Variants in AKT3 observed in about 807,000 individuals in gnomAD.
The protein encoded by AKT3 is RAC-gamma serine/threonine-protein kinase.
AKT3 carries 15 observed loss-of-function variants against 65.3 expected under a neutral mutation model. The ratio of observed to expected loss-of-function variants is 0.23; its 90% CI spans 0.15 to 0.35. The LOEUF (loss-of-function observed/expected upper bound fraction) is 0.35, where lower values mean the gene tolerates loss of function less well. Ranked by LOEUF, AKT3 falls within the 10% of genes least tolerant of loss-of-function variation. AKT3 has a pLI of 1.00. For synonymous variants in AKT3, 206 were observed against 183.8 expected, an observed-to-expected ratio of 1.12 and a Z score of -0.98; for missense variants, 243 against 576.5, an observed-to-expected ratio of 0.42 and a Z score of 5.92.
chr1:243,831,378 T>A (rs1694495982), intron 2 of AKT3, among the ~76,000 whole-genome samples: 1 of 152,060 alleles, frequency 6.6e-6, no homozygotes, highest in African/African-American at 2.4e-5. Context: ...ACAAAAGAAA[T>A]CATTCTAATT....
At chr1:243,660,973 T>A (rs1682269344) in intron 4 of AKT3, among the ~76,000 whole-genome samples, 1 of 152,100 alleles carries the variant, frequency 6.6e-6, no homozygotes, top group Non-Finnish European at 1.5e-5. Context: ...TCAAAGAGAA[T>A]AAAATACCTA....
chr1:243,794,809 A>C (rs1034852684), intron 2 of AKT3, among the ~76,000 whole-genome samples: 1 of 152,232 alleles, frequency 6.6e-6, no homozygotes, highest in Non-Finnish European at 1.5e-5. Flanking sequence ...CACATCATTA[A>C]TTAAAAGAAT....
At chr1:243,708,572 CAG>C (rs769599486) in intron 2 of AKT3, among the ~76,000 whole-genome samples, 3 of 151,874 alleles carry the variant, frequency 2.0e-5, no homozygotes, top group Non-Finnish European at 4.4e-5. Context: ...CAAATGTTTC[CAG>C]TGACTTTGAA....
At chr1:243,849,833 C>T (rs1233437174) in intron 1 of AKT3, among the ~76,000 whole-genome samples, 1 of 151,838 alleles carries the variant, frequency 6.6e-6, no homozygotes, top group Non-Finnish European at 1.5e-5. Context: ...GGGCATCCCC[C>T]GGCCTCCACA....
intron 2 of AKT3, among the ~76,000 whole-genome samples, chr1:243,715,848 G>A (rs1021510267): frequency 6.6e-6 from 1 of 152,044 alleles, no homozygotes; most frequent in Non-Finnish European, 1.5e-5. Context: ...TTGAGGATAT[G>A]TGTGTACACT....
At chr1:243,776,744 T>A (rs1005890427) in intron 2 of AKT3, among the ~76,000 whole-genome samples, 12 of 152,224 alleles carry the variant, frequency 7.9e-5, no homozygotes, top group Non-Finnish European at 1.5e-4. Flanking sequence ...AGGGCCAGAA[T>A]TTAAACTCAA....
intron 2 of AKT3, among the ~76,000 whole-genome samples, chr1:243,842,010 G>A (rs1695270542): frequency 6.6e-6 from 1 of 152,126 alleles, no homozygotes; most frequent in African/African-American, 2.4e-5. Flanking sequence ...TAAGGGATGA[G>A]GACTGGGCTG....
intron 2 of AKT3, among the ~76,000 whole-genome samples, chr1:243,752,772 C>T (rs955488151): frequency 2.6e-5 from 4 of 152,070 alleles, no homozygotes; most frequent in African/African-American, 9.7e-5. Context: ...TCTGAGGATG[C>T]TGTCATAAAG....
chr1:243,774,500 C>T lies in AKT3; in HGVS notation c.46+68625G>A, dbSNP rs376479753. On this transcript the variant is annotated intron_variant, in intron 2 of 13. Coordinates refer to ENST00000673466, the MANE Select transcript of AKT3 (RefSeq NM_005465.7). Reference sequence around the variant, plus strand: ...CTCTATAATTGTTTGTATTTTTTCTCTCAAGTTTGATTTCTGTGGTTCCAG... The same window carrying T: ...CTCTATAATTGTTTGTATTTTTTCTTTCAAGTTTGATTTCTGTGGTTCCAG... 5.9e-5 allele frequency among the ~76,000 whole-genome samples: 9 copies of T among 152,172 alleles called. No homozygotes were observed. The East Asian group carries it at 1.4e-3, about 23-fold the overall frequency.
At position 243,727,348 on chromosome 1, in the gene AKT3, C is replaced by T. The variant is rs150607221; in HGVS notation, c.47-31632G>A. On this transcript the variant is annotated intron_variant, in intron 2 of 13. Coordinates refer to ENST00000673466, the MANE Select transcript of AKT3 (RefSeq NM_005465.7). ...TTGCTCTGTTGCCCAGGCTGGAGTG[C>T]GATGGTACAATCTCAGCTCAACACA... 4.1e-3 allele frequency among the ~76,000 whole-genome samples: 631 copies of T among 152,162 alleles called. 4 individuals are homozygous for T. The highest frequency in any genetic ancestry group is 7.1e-3 in the Non-Finnish European group (484 of 68,008).
intron 2 of AKT3, among the ~76,000 whole-genome samples, chr1:243,764,115 T>C (rs890653426): frequency 1.4e-4 from 21 of 152,110 alleles, no homozygotes; most frequent in South Asian, 6.2e-4. Flanking sequence ...AATTCCAAAC[T>C]TTAAAAATAA....
intron 9 of AKT3, among the ~76,000 whole-genome samples, chr1:243,570,402 T>C (rs1674473505): frequency 6.6e-6 from 1 of 152,340 alleles, no homozygotes; most frequent in Admixed American, 6.5e-5. Context: ...TCTTACCTTC[T>C]GCAGTTTAAT....
In AKT3 at chr1:243,639,406, G is replaced by A. The variant is rs116750802; in HGVS notation, c.430-1664C>T. 8.6e-3 allele frequency among the ~76,000 whole-genome samples: 1,304 copies of A among 152,204 alleles called. 14 individuals carry two copies. Among genetic ancestry groups the A allele is most frequent in the African/African-American group, 0.03 (1,238 of 41,514 alleles). On this transcript the variant is annotated intron_variant, in intron 5 of 13. Coordinates refer to ENST00000673466, the MANE Select transcript of AKT3 (RefSeq NM_005465.7). Reference sequence around the variant, plus strand: ...CAAGCATCATCCTGATACTGAGATAGGAGTTTGGCAGGTCTCCTTTCACAA... The same window carrying A: ...CAAGCATCATCCTGATACTGAGATAAGAGTTTGGCAGGTCTCCTTTCACAA...
chr1:243,573,881 T>A (rs1674737173), intron 8 of AKT3, among the ~76,000 whole-genome samples: 1 of 152,150 alleles, frequency 6.6e-6, no homozygotes, highest in Non-Finnish European at 1.5e-5. Context: ...TTAAAGAAAC[T>A]ACAAATATTA....
chr1:243,567,785 T>C (rs1179260271), intron 9 of AKT3, among the ~76,000 whole-genome samples: 1 of 152,194 alleles, frequency 6.6e-6, no homozygotes, highest in Non-Finnish European at 1.5e-5. Flanking sequence ...AAATCTAATC[T>C]TGTATAAAGA....
chr1:243,767,993 G>A (rs1056508867), intron 2 of AKT3, among the ~76,000 whole-genome samples: 1 of 151,562 alleles, frequency 6.6e-6, no homozygotes, highest in Non-Finnish European at 1.5e-5. Flanking sequence ...AAAATATATA[G>A]AGAGGGGGAA....
chr1:243,518,556 T>TGG (rs1438955672), intron 12 of AKT3, among the ~76,000 whole-genome samples: 1 of 151,508 alleles, frequency 6.6e-6, no homozygotes, highest in Non-Finnish European at 1.5e-5. Context: ...ACCTGGGAGG[T>TGG]GGAGGTTGCA....
At position 243,542,110 on chromosome 1, in the gene AKT3, A is replaced by T. The variant is rs557996283; in HGVS notation, c.1251+3400T>A. ...ATTGTTAAGATGTCAGCTCTTCCTA[A>T]ATTTATCTACAGATTCAACACAATC... On this transcript the variant is annotated intron_variant, in intron 12 of 13. Coordinates refer to ENST00000673466, the MANE Select transcript of AKT3 (RefSeq NM_005465.7). 2.0e-5 allele frequency among the ~76,000 whole-genome samples: 3 copies of T among 152,342 alleles called. No homozygotes were observed. In the East Asian group the frequency reaches 5.8e-4, roughly 29 times the overall value.
At chr1:243,753,965 T>C (rs1688968352) in intron 2 of AKT3, among the ~76,000 whole-genome samples, 1 of 152,210 alleles carries the variant, frequency 6.6e-6, no homozygotes, top group African/African-American at 2.4e-5. Flanking sequence ...TCTTGAATTA[T>C]TCTCTGTGTG....
Sources: allele counts gnomAD v4.1 joint callset (sites outside exome capture counted in the v4.1 genomes callset), GRCh38; gene constraint gnomAD v4.1.1; transcripts MANE v1.5; gene names NCBI Gene and HGNC (gene_info 2026-07-23, HGNC 2026-07-21).